Variants in PSME3 observed in about 807,000 individuals in gnomAD.
The protein encoded by PSME3 is proteasome activator complex subunit 3.
A neutral mutation model predicts 38.3 loss-of-function variants in PSME3; 7 were observed. The observed-to-expected ratio is 0.18, with a 90% CI of 0.10 to 0.34. The LOEUF (loss-of-function observed/expected upper bound fraction) is 0.34. PSME3 is among the 10% of genes least tolerant of loss of function. The pLI is 1.00. For missense variants in PSME3, 192 were observed against 307.6 expected, an observed-to-expected ratio of 0.62 and a Z score of 2.81; for synonymous variants, 108 against 105.7, an observed-to-expected ratio of 1.02 and a Z score of -0.13.
Position 42,843,650 on chromosome 17 carries a change from T to C in PSME3, c.*2072T>C, listed in dbSNP as rs1340805217. The C allele has an allele frequency of 6.6e-6, 1 of 152,392 alleles. No individual in the cohort carries two copies. The highest frequency in any genetic ancestry group is 1.5e-5 in the Non-Finnish European group (1 of 68,048). The allele number at this position is 152,392 out of a possible 1,614,324, so 9.4% of individuals were successfully genotyped here. A position where few individuals can be genotyped will look rare whatever the true frequency, so the allele number is the denominator to read the frequency against. On this transcript the variant is annotated 3_prime_UTR_variant, in exon 11 of 11. Coordinates refer to ENST00000590720, the MANE Select transcript of PSME3 (RefSeq NM_005789.4). ...CCTTATACTAATTCTTCCTGAATAATGTCTTCAGTTTCTTGAGGAGACTCC... is the reference window on the plus strand; with the variant it reads ...CCTTATACTAATTCTTCCTGAATAACGTCTTCAGTTTCTTGAGGAGACTCC...
intron 4 of PSME3, among the ~76,000 whole-genome samples, chr17:42,835,098 C>T (rs557580471): frequency 2.0e-5 from 3 of 152,050 alleles, no homozygotes; most frequent in East Asian, 1.9e-4. Context: ...AGTGTAGTGG[C>T]GGGAATGCTG....
intron 4 of PSME3, among the ~76,000 whole-genome samples, chr17:42,836,131 C>T (rs994859174): frequency 6.6e-6 from 1 of 151,408 alleles, no homozygotes; most frequent in Non-Finnish European, 1.5e-5. Flanking sequence ...CAGCCTCCCA[C>T]GTAGCTGAGA....
intron 6 of PSME3, 37 bp from the exon 7 acceptor site, chr17:42,838,694 T>C (rs959117848): frequency 1.6e-5 from 26 of 1,595,628 alleles, no homozygotes; most frequent in Non-Finnish European, 2.2e-5. Flanking sequence ...GGCTTCAGCC[T>C]TCAGGCAAAG....
rs577898361 is a variant in PSME3 at position 42,841,881 on chromosome 17, C to T, written c.*303C>T. 1.1e-4 allele frequency: 26 copies of T among 239,162 alleles called. No individual in the cohort carries two copies. The South Asian group carries it at 3.3e-3, about 31-fold the overall frequency. The allele number at this position is 239,162 out of a possible 1,614,324, so 14.8% of individuals were successfully genotyped here. A position where few individuals can be genotyped will look rare whatever the true frequency, so the allele number is the denominator to read the frequency against. On this transcript the variant is annotated 3_prime_UTR_variant, in exon 11 of 11. Transcript: ENST00000590720. ...AAAAATACCTGTGTTTTCATTCTCC[C>T]CCTCTCTCCCTCCTGTGTCTTGCGC...
At chr17:42,834,138 G>A in intron 1 of PSME3, 1 of 1,476,380 alleles carries the variant, frequency 6.8e-7, no homozygotes, top group Non-Finnish European at 8.9e-7. Flanking sequence ...GGAGGACAGA[G>A]GAGACAGGCA....
intron 6 of PSME3, 111 bp downstream of exon 6, chr17:42,838,316 T>C: frequency 7.3e-7 from 1 of 1,371,022 alleles, no homozygotes; most frequent in Non-Finnish European, 9.6e-7. Context: ...TTTTTTTGAG[T>C]TTTTTTTTTG....
intron 10 of PSME3, among the ~76,000 whole-genome samples, chr17:42,841,187 T>A (rs916123560): frequency 2.0e-5 from 3 of 150,546 alleles, no homozygotes; most frequent in Admixed American, 2.0e-4. Context: ...TGTCCATAGG[T>A]TCTTAGAAAC....
At chr17:42,834,070 C>T (rs765978610) in intron 1 of PSME3, 28 of 1,444,252 alleles carry the variant, frequency 1.9e-5, no homozygotes, top group Non-Finnish European at 2.3e-5. Context: ...AACTACCTGT[C>T]TTTTGTCTGC....
intron 10 of PSME3, among the ~76,000 whole-genome samples, 164 bp from the exon 11 acceptor site, chr17:42,841,334 G>A (rs1191543539): frequency 6.6e-6 from 1 of 152,070 alleles, no homozygotes; most frequent in African/African-American, 2.4e-5. Flanking sequence ...CTTACCTGCT[G>A]TACTTTAATT....
chr17:42,838,991 C>T lies in PSME3; in HGVS notation c.521C>T (p.Ser174Phe). 6.2e-7 allele frequency: 1 copy of T among 1,614,158 alleles called. No homozygotes were observed. Among genetic ancestry groups the T allele is most frequent in the Non-Finnish European group, 8.5e-7 (1 of 1,180,028 alleles). Residue 174 changes from serine (S) to phenylalanine (F), a missense_variant, in exon 8 of 11, where the codon TCT (serine) becomes TTT (phenylalanine). Physicochemically the swap from Ser to Phe is radical, Grantham distance 155 (BLOSUM62 -2). Coordinates refer to ENST00000590720, the MANE Select transcript of PSME3 (RefSeq NM_005789.4). The stretch of plus-strand genomic sequence containing the variant: ...AGAACTGTTGAGAGTGAAGCTGCAT[C>T]TTATCTGGACCAGATTTCTAGGTAG... ...ELRTVESEAASYLDQISRYYI... is the reference protein window; with the variant it reads ...ELRTVESEAAFYLDQISRYYI...
chr17:42,841,822 G>C lies in PSME3; in HGVS notation c.*244G>C. 2.8e-6 allele frequency: 1 copy of C among 363,146 alleles called. No homozygotes were observed. Among genetic ancestry groups the C allele is most frequent in the Non-Finnish European group, 5.0e-6 (1 of 201,356 alleles). The allele number at this position is 363,146 out of a possible 1,614,324, so 22.5% of individuals were successfully genotyped here. A position where few individuals can be genotyped will look rare whatever the true frequency, so the allele number is the denominator to read the frequency against. Reference sequence around the variant, plus strand: ...CACCCAACCTGTCGTAATTTCTGGAGAACTCCAGGTTTGTGTGTGCAGGAT... The same window carrying C: ...CACCCAACCTGTCGTAATTTCTGGACAACTCCAGGTTTGTGTGTGCAGGAT... On this transcript the variant is annotated 3_prime_UTR_variant, in exon 11 of 11. Coordinates refer to ENST00000590720, the MANE Select transcript of PSME3 (RefSeq NM_005789.4).
intron 6 of PSME3, among the ~76,000 whole-genome samples, 185 bp downstream of exon 6, chr17:42,838,390 C>T (rs2055489766): frequency 6.6e-6 from 1 of 152,152 alleles, no homozygotes; most frequent in African/African-American, 2.4e-5. Context: ...TCACTGCAAC[C>T]TCTGCCTCCT....
Position 42,833,402 on chromosome 17 carries a change from T to A in PSME3, c.-230T>A, listed in dbSNP as rs937558675. On this transcript the variant is annotated 5_prime_UTR_variant, in exon 1 of 11. Transcript: ENST00000590720. ...TCTCGGCGATTGGCTGTGACGCAGT[T>A]TCCGGCGTGAGCGGCGAAAGCCGGG... 1.0e-5 allele frequency: 6 copies of A among 599,234 alleles called. No individual in the cohort carries two copies. The highest frequency in any genetic ancestry group is 1.9e-5 in the African/African-American group (1 of 53,708). The allele number at this position is 599,234 out of a possible 1,614,324, so 37.1% of individuals were successfully genotyped here. A position where few individuals can be genotyped will look rare whatever the true frequency, so the allele number is the denominator to read the frequency against.
chr17:42,834,725 T>G (rs754901555), intron 3 of PSME3, 47 bp from the exon 4 acceptor site: 1 of 1,610,652 alleles, frequency 6.2e-7, no homozygotes, highest in Non-Finnish European at 8.5e-7. Context: ...CAAATACTTC[T>G]TTGTTCAGCT....
chr17:42,837,436 C>T (rs538203174), intron 4 of PSME3, among the ~76,000 whole-genome samples: 4 of 151,662 alleles, frequency 2.6e-5, no homozygotes, highest in Non-Finnish European at 4.4e-5. Context: ...CTGTCCACCT[C>T]GGCCCCCCAA....
chr17:42,841,164 C>A (rs919030320), intron 10 of PSME3, among the ~76,000 whole-genome samples: 13 of 150,068 alleles, frequency 8.7e-5, no homozygotes, highest in African/African-American at 2.7e-4. Context: ...TACAGTAAGT[C>A]TTCACTTAAT....
At position 42,833,623 on chromosome 17, in the gene PSME3, G is replaced by C. The variant is rs1397415746; in HGVS notation, c.-9G>C. ...GTGTCCAGAGGATCGGACACGGCCC[G>C]GCCCGGCCATGGCCTCGTTGCTGAA... On this transcript the variant is annotated 5_prime_UTR_variant, in exon 1 of 11. Transcript: ENST00000590720. The C allele has an allele frequency of 2.5e-6, 4 of 1,614,092 alleles. No individual in the cohort carries two copies. The highest frequency in any genetic ancestry group is 3.4e-6 in the Non-Finnish European group (4 of 1,180,036).
chr17:42,834,617 T>G, intron 3 of PSME3, 40 bp downstream of exon 3: 1 of 1,611,808 alleles, frequency 6.2e-7, no homozygotes, highest in Non-Finnish European at 8.5e-7. Flanking sequence ...CCCAATTTTT[T>G]TGGCCCTGGT....
rs747587312 is a variant in PSME3, at chr17:42,838,663, C to T, written c.406-68C>T. 26 of 1,422,930 alleles carry T rather than the reference C, an allele frequency of 1.8e-5. 1 individual carries two copies. In the South Asian group the frequency reaches 2.4e-4, roughly 13 times the overall value. 88.1% of individuals were successfully genotyped at this position (1,422,930 alleles called of 1,614,324 possible). A position where few individuals can be genotyped will look rare whatever the true frequency, so the allele number is the denominator to read the frequency against. On this transcript the variant is annotated intron_variant, in intron 6 of 10. Transcript: ENST00000590720. Reference sequence around the variant, plus strand: ...TGTGTTCCTGGCATCTGGCTCCAGCCGTCTGAATTGTGTACTTCATGGCTT... The same window carrying T: ...TGTGTTCCTGGCATCTGGCTCCAGCTGTCTGAATTGTGTACTTCATGGCTT...
Sources: gnomAD v4.1 joint callset for allele counts (sites outside exome capture counted in the v4.1 genomes callset) on GRCh38, gnomAD v4.1.1 for gene constraint, MANE v1.5 for transcripts, NCBI Gene and HGNC (gene_info 2026-07-23, HGNC 2026-07-21) for gene names.